Variants in ELAVL2 observed in about 807,000 individuals in gnomAD.
ELAVL2 encodes ELAV-like protein 2.
ELAVL2 carries 4 observed loss-of-function variants against 34.6 expected under a neutral mutation model. The observed-to-expected ratio is 0.12, with a 90% CI of 0.06 to 0.26. ELAVL2 has a LOEUF of 0.26. ELAVL2 is among the 10% of genes least tolerant of loss of function. ELAVL2 has a pLI of 1.00. For missense variants in ELAVL2, 432 were observed against 442.8 expected (o/e 0.98, Z 0.22); for synonymous variants, 193 against 154.8 (o/e 1.25, Z -1.83).
At chr9:23,705,201 C>T (rs890748568) in intron 3 of ELAVL2, 130 bp from the exon 4 acceptor site, 24 of 991,880 alleles carry the variant, frequency 2.4e-5, no homozygotes, top group Non-Finnish European at 3.5e-5. Flanking sequence ...AAGTCAGGTG[C>T]TAACTGCTTT....
At position 23,731,021 on chromosome 9, in the gene ELAVL2, C is replaced by A; in HGVS notation, c.333+1G>T. On this transcript the variant is annotated splice_donor_variant, in intron 3 of 6. Transcript: ENST00000397312. LOFTEE classifies it high-confidence loss of function. ...TAGATATAAAAAAACTTTAAACATA[C>A]TTTTATTGTTTTGGTTTGAAGTCTC... The A allele has an allele frequency of 6.2e-7, 1 of 1,609,892 alleles. No homozygotes were observed. Among genetic ancestry groups the A allele is most frequent in the Middle Eastern group, 1.7e-4 (1 of 6,040 alleles).
intron 1 of ELAVL2, among the ~76,000 whole-genome samples, chr9:23,795,673 A>G (rs1459753949): frequency 6.6e-6 from 1 of 152,270 alleles, no homozygotes; most frequent in East Asian, 1.9e-4. Flanking sequence ...AACCTCTTAC[A>G]GAGAAGAAAT....
chr9:23,804,245 C>T (rs1467307436), intron 1 of ELAVL2, among the ~76,000 whole-genome samples: 1 of 151,310 alleles, frequency 6.6e-6, no homozygotes, highest in Non-Finnish European at 1.5e-5. Context: ...ATGATCTCGG[C>T]TCACAGCAAC....
intron 1 of ELAVL2, among the ~76,000 whole-genome samples, chr9:23,811,849 A>G (rs567564971): frequency 6.6e-6 from 1 of 152,262 alleles, no homozygotes; most frequent in East Asian, 1.9e-4. Flanking sequence ...TTCACCTGTG[A>G]CTGAGCTCCT....
In ELAVL2 at chr9:23,751,253, C is replaced by G. The variant is rs146797730; in HGVS notation, c.229+10753G>C. ...AAAGTACAATGATGAGAAAAGAACTCATTAAGAGCTAAAAATAAACTCTAA... is the reference window on the plus strand; with the variant it reads ...AAAGTACAATGATGAGAAAAGAACTGATTAAGAGCTAAAAATAAACTCTAA... On this transcript the variant is annotated intron_variant, in intron 2 of 6. Transcript: ENST00000397312. Among the ~76,000 whole-genome samples, 870 of 152,198 alleles carry G rather than the reference C, an allele frequency of 5.7e-3. 8 individuals are homozygous for G. Among genetic ancestry groups the G allele is most frequent in the African/African-American group, 0.02 (841 of 41,538 alleles).
At chr9:23,754,461 A>AT (rs930378499) in intron 2 of ELAVL2, among the ~76,000 whole-genome samples, 2 of 150,156 alleles carry the variant, frequency 1.3e-5, no homozygotes, top group Non-Finnish European at 3.0e-5. Flanking sequence ...TTTTTTTATT[A>AT]TTTTTTTGTG....
chr9:23,787,181 T>C (rs1033120419), intron 1 of ELAVL2, among the ~76,000 whole-genome samples: 9 of 152,098 alleles, frequency 5.9e-5, no homozygotes, highest in Non-Finnish European at 1.2e-4. Context: ...TAGGATATGC[T>C]AGGCCATGCT....
intron 1 of ELAVL2, among the ~76,000 whole-genome samples, chr9:23,802,159 T>C (rs2061641432): frequency 6.6e-6 from 1 of 152,114 alleles, no homozygotes; most frequent in South Asian, 2.1e-4. Context: ...AAGAAGAAAA[T>C]GCATGGAGCA....
intron 1 of ELAVL2, among the ~76,000 whole-genome samples, chr9:23,803,455 AC>A (rs1450445813): frequency 2.0e-5 from 3 of 152,234 alleles, no homozygotes; most frequent in African/African-American, 7.2e-5. Flanking sequence ...GGGGGTTTAC[AC>A]CCTAGTCAGG....
At chr9:23,810,998 C>G (rs910504488) in intron 1 of ELAVL2, among the ~76,000 whole-genome samples, 3 of 152,154 alleles carry the variant, frequency 2.0e-5, no homozygotes, top group African/African-American at 7.2e-5. Flanking sequence ...ACTTGACTGT[C>G]CAACACAAAA....
intron 5 of ELAVL2, among the ~76,000 whole-genome samples, chr9:23,695,253 T>C (rs1354293056): frequency 8.5e-5 from 13 of 152,192 alleles, no homozygotes; most frequent in African/African-American, 3.1e-4. Flanking sequence ...ATTTGGCATA[T>C]GCTACCTGTA....
intron 1 of ELAVL2, among the ~76,000 whole-genome samples, chr9:23,776,606 C>T (rs187104163): frequency 2.0e-4 from 31 of 152,196 alleles, no homozygotes; most frequent in African/African-American, 6.7e-4. Context: ...CCACCCCTCA[C>T]GGAACTTCTC....
At position 23,816,066 on chromosome 9, in the gene ELAVL2, T is replaced by C. The variant is rs997549409; in HGVS notation, c.-16+9740A>G. Among the ~76,000 whole-genome samples, 3 of 152,238 alleles carry C rather than the reference T, an allele frequency of 2.0e-5. No individual in the cohort carries two copies. The South Asian group carries it at 6.2e-4, about 32-fold the overall frequency. On this transcript the variant is annotated intron_variant, in intron 1 of 6. Transcript: ENST00000397312. ...AAATGGAACCTCATTTTAACACGCT[T>C]TCTTCCAAAGTGCAAAATACTAAAA...
At chr9:23,707,956 TAA>T (rs766295319) in intron 3 of ELAVL2, among the ~76,000 whole-genome samples, 3 of 152,198 alleles carry the variant, frequency 2.0e-5, no homozygotes, top group Non-Finnish European at 2.9e-5. Flanking sequence ...TGGTGTGTCT[TAA>T]AAGTCATCCT....
At chr9:23,695,563 T>C (rs1014612931) in intron 5 of ELAVL2, among the ~76,000 whole-genome samples, 3 of 152,180 alleles carry the variant, frequency 2.0e-5, no homozygotes, top group African/African-American at 7.2e-5. Context: ...ATCTCGTTGT[T>C]GTACGATCAT....
the ELAVL2 span, among the ~76,000 whole-genome samples, chr9:23,835,644 A>G: frequency 1.3e-5 from 2 of 152,188 alleles, no homozygotes; most frequent in Non-Finnish European, 2.9e-5. Flanking sequence ...TATAAAACAT[A>G]GAATATCAGA....
At chr9:23,752,386 C>A (rs1262924849) in intron 2 of ELAVL2, among the ~76,000 whole-genome samples, 1 of 152,032 alleles carries the variant, frequency 6.6e-6, no homozygotes, top group Admixed American at 6.6e-5. Flanking sequence ...AACTTAATCC[C>A]AAGAACTTGA....
chr9:23,736,279 A>T (rs1028618521), intron 2 of ELAVL2, among the ~76,000 whole-genome samples: 6 of 152,030 alleles, frequency 3.9e-5, no homozygotes, highest in Admixed American at 6.6e-5. Context: ...TTTTGTATTT[A>T]AAAAAAACAA....
intron 2 of ELAVL2, among the ~76,000 whole-genome samples, chr9:23,736,834 G>T (rs2048019645): frequency 6.6e-6 from 1 of 152,066 alleles, no homozygotes; most frequent in Admixed American, 6.6e-5. Context: ...ACCATACTCT[G>T]GTTTCCAGTC....
Sources: gnomAD v4.1 joint callset for allele counts (sites outside exome capture counted in the v4.1 genomes callset) on GRCh38, gnomAD v4.1.1 for gene constraint, MANE v1.5 for transcripts, NCBI Gene and HGNC (gene_info 2026-07-23, HGNC 2026-07-21) for gene names.